MED19: variants seen among roughly 807,000 people sequenced by gnomAD.
MED19 encodes the protein mediator of RNA polymerase II transcription subunit 19.
Under a neutral mutation model 19.9 loss-of-function variants are expected in MED19, and 4 were observed. The ratio of observed to expected loss-of-function variants is 0.20; its 90% CI spans 0.10 to 0.46. The LOEUF (loss-of-function observed/expected upper bound fraction) is 0.46, where lower values mean the gene tolerates loss of function less well. Ranked by LOEUF, MED19 falls within the 20% of genes least tolerant of loss-of-function variation. The pLI is 0.99. For missense variants in MED19, 303 were observed against 318.7 expected, an observed-to-expected ratio of 0.95 and a Z score of 0.38; for synonymous variants, 139 against 119.6, an observed-to-expected ratio of 1.16 and a Z score of -1.06.
intron 1 of MED19, among the ~76,000 whole-genome samples, 174 bp from the exon 2 acceptor site, chr11:57,705,403 GA>G (rs1301287079): frequency 6.6e-6 from 1 of 152,122 alleles, no homozygotes; most frequent in African/African-American, 2.4e-5. Flanking sequence ...TGTAATCCCA[GA>G]ACTTTGGGAG....
At chr11:57,704,951 T>G (rs764625287) in intron 2 of MED19, 22 bp downstream of exon 2, 10 of 1,608,232 alleles carry the variant, frequency 6.2e-6, no homozygotes, top group East Asian at 2.2e-5. Flanking sequence ...CCCATTTGCC[T>G]TCTTCCTCCA....
intron 3 of MED19, 144 bp downstream of exon 3, chr11:57,704,574 TG>T (rs1284390827): frequency 1.2e-6 from 2 of 1,602,358 alleles, no homozygotes; most frequent in African/African-American, 2.7e-5. Context: ...CACAGTACAT[TG>T]GTTTCTTCTT....
intron 2 of MED19, 33 bp from the exon 3 acceptor site, chr11:57,704,848 G>C (rs998991870): frequency 1.9e-6 from 3 of 1,611,536 alleles, no homozygotes; most frequent in African/African-American, 1.3e-5. Flanking sequence ...CAGGTGAGTA[G>C]AGGGAGGAAA....
intron 1 of MED19, 99 bp downstream of exon 1, chr11:57,711,864 C>T (rs950003223): frequency 4.6e-6 from 6 of 1,317,004 alleles, no homozygotes; most frequent in East Asian, 3.0e-5. Flanking sequence ...GTATGCGTTG[C>T]CTAGGTTACC....
intron 1 of MED19, among the ~76,000 whole-genome samples, chr11:57,709,129 C>A (rs1283702336): frequency 6.6e-6 from 1 of 152,156 alleles, no homozygotes; most frequent in African/African-American, 2.4e-5. Flanking sequence ...CGCCTGTAAT[C>A]CTGGCACTCT....
intron 1 of MED19, among the ~76,000 whole-genome samples, chr11:57,709,487 C>G (rs1383660503): frequency 6.6e-6 from 1 of 152,092 alleles, no homozygotes; most frequent in Non-Finnish European, 1.5e-5. Flanking sequence ...GTCTCCGTAC[C>G]CATACACCCA....
At position 57,706,736 on chromosome 11, in the gene MED19, AAAAAC is replaced by A. The variant is rs199977971; in HGVS notation, c.218-1512_218-1508del. ...TGAGAGAGTGAGACCCTGTCTCAAA[AAAAAC>A]AAAACAAAACAAAACAACAAAAACA... is the stretch of plus-strand genomic sequence containing the variant. On this transcript the variant is annotated intron_variant, in intron 1 of 4. Transcript: ENST00000431606. Among the ~76,000 whole-genome samples the A allele has an allele frequency of 5.1e-3, 771 of 152,192 alleles. 5 individuals are homozygous for A. Among genetic ancestry groups the A allele is most frequent in the African/African-American group, 0.016 (654 of 41,558 alleles).
chr11:57,708,158 T>C lies in MED19; in HGVS notation c.218-2929A>G, dbSNP rs373072520. ...AAGATAAAAAAAAAAAAAATTGTTT[T>C]GAAATTCCAAATCTTGCCAACATCA... On this transcript the variant is annotated intron_variant, in intron 1 of 4. Transcript: ENST00000431606. Among the ~76,000 whole-genome samples, 361 of 152,244 alleles carry C rather than the reference T, an allele frequency of 2.4e-3. 3 individuals are homozygous for C. Among genetic ancestry groups the C allele is most frequent in the South Asian group, 6.4e-3 (31 of 4,826 alleles).
At chr11:57,710,440 A>G (rs1007206027) in intron 1 of MED19, among the ~76,000 whole-genome samples, 3 of 152,002 alleles carry the variant, frequency 2.0e-5, no homozygotes, top group Admixed American at 6.6e-5. Context: ...GCCTCTGCCT[A>G]ACTCTCCCAG....
chr11:57,709,291 G>A (rs1479414160), intron 1 of MED19, among the ~76,000 whole-genome samples: 2 of 151,876 alleles, frequency 1.3e-5, no homozygotes, highest in South Asian at 2.1e-4. Context: ...TGAGGCAGGA[G>A]AATCGCTTGA....
chr11:57,708,367 C>T (rs755831353), intron 1 of MED19, among the ~76,000 whole-genome samples: 102 of 152,138 alleles, frequency 6.7e-4, no homozygotes, highest in Non-Finnish European at 1.1e-3. Context: ...CCTCATCAAC[C>T]ACTACTCTCC....
intron 1 of MED19, among the ~76,000 whole-genome samples, chr11:57,707,485 C>T (rs1946522483): frequency 6.6e-6 from 1 of 152,136 alleles, no homozygotes; most frequent in African/African-American, 2.4e-5. Context: ...ATCGCTAGTG[C>T]CCAGCACAGT....
intron 3 of MED19, 118 bp downstream of exon 3, chr11:57,704,601 G>T: frequency 6.2e-7 from 1 of 1,605,048 alleles, no homozygotes; most frequent in Non-Finnish European, 8.5e-7. Context: ...GAATTTAGGA[G>T]TCCAGAGCTC....
intron 1 of MED19, among the ~76,000 whole-genome samples, chr11:57,709,123 T>C (rs952100917): frequency 6.6e-6 from 1 of 152,244 alleles, no homozygotes; most frequent in East Asian, 1.9e-4. Flanking sequence ...GGCTCACGCC[T>C]GTAATCCTGG....
chr11:57,705,782 A>G (rs981199894), intron 1 of MED19, among the ~76,000 whole-genome samples: 12 of 152,212 alleles, frequency 7.9e-5, no homozygotes, highest in African/African-American at 2.2e-4. Flanking sequence ...CTCTAGCCCA[A>G]TGAAGGAGAC....
At chr11:57,711,502 C>A (rs1312238954) in intron 1 of MED19, among the ~76,000 whole-genome samples, 1 of 152,094 alleles carries the variant, frequency 6.6e-6, no homozygotes, top group Non-Finnish European at 1.5e-5. Flanking sequence ...TAAAGGTATA[C>A]GCCACCACGC....
At chr11:57,705,331 A>G in intron 1 of MED19, 102 bp from the exon 2 acceptor site, 1 of 1,301,702 alleles carries the variant, frequency 7.7e-7, no homozygotes, top group Non-Finnish European at 1.0e-6. Flanking sequence ...TTAAGTGCAG[A>G]TTTTAAAATT....
intron 1 of MED19, 32 bp from the exon 2 acceptor site, chr11:57,705,261 C>G (rs751892072): frequency 6.8e-5 from 110 of 1,607,008 alleles, no homozygotes; most frequent in Middle Eastern, 1.7e-4. Flanking sequence ...TAAAAAAGAT[C>G]AGTCTTCAAA....
chr11:57,705,746 A>C (rs1334017688), intron 1 of MED19, among the ~76,000 whole-genome samples: 2 of 152,114 alleles, frequency 1.3e-5, no homozygotes, highest in African/African-American at 4.8e-5. Context: ...ACAGGCAAAA[A>C]TCCAATAGGG....
Sources: allele counts gnomAD v4.1 joint callset (sites outside exome capture counted in the v4.1 genomes callset), GRCh38; gene constraint gnomAD v4.1.1; transcripts MANE v1.5; gene names NCBI Gene and HGNC (gene_info 2026-07-23, HGNC 2026-07-21).